The following NEK10 variants were observed in gnomAD, a reference collection of about 807,000 sequenced individuals.
NEK10 encodes serine/threonine-protein kinase Nek10.
In NEK10, 122 loss-of-function variants were observed where a neutral mutation model predicts 159.8. That is an observed-to-expected ratio of 0.76 (90% CI 0.66 to 0.89). The LOEUF is 0.89. Ranked by LOEUF, NEK10 falls within the 40% of genes least tolerant of loss-of-function variation. The pLI is 0.00. For missense variants in NEK10, 1,342 were observed against 1,323.1 expected (o/e 1.01, Z -0.22); for synonymous variants, 466 against 457.1 (o/e 1.02, Z -0.25).
intron 26 of NEK10, among the ~76,000 whole-genome samples, chr3:27,189,119 T>TA (rs1469618367): frequency 4.6e-5 from 7 of 152,294 alleles, no homozygotes; most frequent in African/African-American, 1.7e-4. Context: ...TCTCTTATTT[T>TA]AAGTTATAAG....
intron 5 of NEK10, among the ~76,000 whole-genome samples, chr3:27,343,005 C>T (rs933380760): frequency 5.3e-5 from 8 of 152,110 alleles, no homozygotes; most frequent in East Asian, 1.9e-4. Flanking sequence ...GACCCAATTA[C>T]ATAACCTTGG....
rs146415856 is a variant in NEK10, at chr3:27,159,219, T to A, written c.2869+3482A>T. Among the ~76,000 whole-genome samples, 13 of 152,320 alleles carry A rather than the reference T, an allele frequency of 8.5e-5. No individual in the cohort carries two copies. In the East Asian group the frequency reaches 2.5e-3, roughly 29 times the overall value. On this transcript the variant is annotated intron_variant, in intron 30 of 35. Coordinates refer to ENST00000691995, the MANE Select transcript of NEK10 (RefSeq NM_001394966.1). ...TCATCATTTCTCAAATATTAGGTAA[T>A]GTTCCTTTACAGCAAAGACAACAGA...
intron 23 of NEK10, among the ~76,000 whole-genome samples, chr3:27,225,374 A>G (rs552675726): frequency 1.3e-5 from 2 of 152,304 alleles, no homozygotes; most frequent in South Asian, 4.1e-4. Context: ...TGTATCCTTC[A>G]ATCCAATCAA....
intron 22 of NEK10, among the ~76,000 whole-genome samples, chr3:27,279,713 A>ATTGC (rs1424099715): frequency 3.3e-5 from 5 of 152,154 alleles, no homozygotes; most frequent in African/African-American, 1.2e-4. Context: ...TAACCACACA[A>ATTGC]TTGCTTTAGT....
At chr3:27,288,540 G>T (rs912560859) in intron 19 of NEK10, among the ~76,000 whole-genome samples, 1 of 152,082 alleles carries the variant, frequency 6.6e-6, no homozygotes, top group African/African-American at 2.4e-5. Flanking sequence ...CAGCTGTCCA[G>T]TCCTCGAATT....
chr3:27,222,242 C>T (rs982428727), intron 23 of NEK10, among the ~76,000 whole-genome samples: 7 of 152,062 alleles, frequency 4.6e-5, no homozygotes, highest in African/African-American at 1.2e-4. Flanking sequence ...GCATGGTGGC[C>T]GGTGCCTGTA....
At chr3:27,254,855 G>T (rs542544188) in intron 23 of NEK10, among the ~76,000 whole-genome samples, 1 of 151,254 alleles carries the variant, frequency 6.6e-6, no homozygotes, top group Admixed American at 6.6e-5. Context: ...CGCTAATACG[G>T]CAAAAAAGTT....
chr3:27,229,614 AT>A (rs1009688048), intron 23 of NEK10, among the ~76,000 whole-genome samples: 4 of 152,124 alleles, frequency 2.6e-5, no homozygotes, highest in Non-Finnish European at 5.9e-5. Context: ...ACATAAAGAA[AT>A]TTTTTTAATC....
At chr3:27,296,899 G>C (rs1484594361) in intron 14 of NEK10, among the ~76,000 whole-genome samples, 4 of 152,064 alleles carry the variant, frequency 2.6e-5, no homozygotes. Context: ...ATGCAATTCA[G>C]AGTATCCCTT....
At chr3:27,132,167 A>T (rs1034191885) in intron 31 of NEK10, among the ~76,000 whole-genome samples, 177 bp from the exon 32 acceptor site, 1 of 152,186 alleles carries the variant, frequency 6.6e-6, no homozygotes, top group Non-Finnish European at 1.5e-5. Context: ...TGCGATTCAG[A>T]AGGAATATAT....
chr3:27,327,119 A>G (rs958105460), intron 5 of NEK10, among the ~76,000 whole-genome samples: 2 of 152,118 alleles, frequency 1.3e-5, no homozygotes, highest in Admixed American at 6.5e-5. Flanking sequence ...CAGCTACACA[A>G]TAAGTAATAG....
At chr3:27,300,314 C>A (rs1285040654) in intron 13 of NEK10, among the ~76,000 whole-genome samples, 3 of 152,020 alleles carry the variant, frequency 2.0e-5, no homozygotes, top group African/African-American at 7.2e-5. Flanking sequence ...TTTCCCTGCA[C>A]AAGCCCTCTC....
chr3:27,235,639 A>G (rs1364149746), intron 23 of NEK10, among the ~76,000 whole-genome samples: 1 of 152,190 alleles, frequency 6.6e-6, no homozygotes, highest in Non-Finnish European at 1.5e-5. Flanking sequence ...GTGGAGAAAA[A>G]GAAATGCTTT....
chr3:27,190,720 G>A (rs1949031667), intron 26 of NEK10, among the ~76,000 whole-genome samples: 1 of 152,130 alleles, frequency 6.6e-6, no homozygotes, highest in Non-Finnish European at 1.5e-5. Flanking sequence ...AAATACCTAA[G>A]ATATATAGAA....
intron 26 of NEK10, among the ~76,000 whole-genome samples, chr3:27,176,458 T>A (rs570468154): frequency 6.6e-6 from 1 of 152,326 alleles, no homozygotes; most frequent in Non-Finnish European, 1.5e-5. Flanking sequence ...CAGAAATTTT[T>A]CCAATGCCTA....
At chr3:27,246,641 T>C (rs1955094479) in intron 23 of NEK10, among the ~76,000 whole-genome samples, 1 of 152,150 alleles carries the variant, frequency 6.6e-6, no homozygotes, top group Admixed American at 6.5e-5. Context: ...TATTAGCTCT[T>C]ATTCACTAAT....
intron 6 of NEK10, 138 bp downstream of exon 6, chr3:27,322,039 A>G: frequency 1.8e-6 from 1 of 565,890 alleles, no homozygotes; most frequent in Non-Finnish European, 3.2e-6. Flanking sequence ...TAGATGAGAC[A>G]TTCCCCATAT....
rs1949168173 is a variant in NEK10, at chr3:27,192,093, C to T, written c.2441G>A (p.Arg814Lys). 6.2e-7 allele frequency: 1 copy of T among 1,614,054 alleles called. No individual in the cohort carries two copies. The highest frequency in any genetic ancestry group is 1.7e-5 in the Admixed American group (1 of 60,002). Reference sequence around the variant, plus strand: ...GTTCCGGTTGGCTTCCATAAAATACCTTTGTGTGCGTCTTCGTTCCCGTTC... The same window carrying T: ...GTTCCGGTTGGCTTCCATAAAATACTTTTGTGTGCGTCTTCGTTCCCGTTC... ...KLERERRRTQ[R>K]YFMEANRNTV... Residue 814 changes from arginine to lysine, a missense_variant, in exon 26 of 36, where the codon AGG (arginine) becomes AAG (lysine). Arg to Lys is a conservative substitution (Grantham distance 26). Transcript: ENST00000691995.
chr3:27,255,499 G>T (rs950977408), intron 23 of NEK10, among the ~76,000 whole-genome samples: 1 of 85,962 alleles, frequency 1.2e-5, no homozygotes, highest in African/African-American at 1.3e-4. Context: ...CTATAGGCTA[G>T]ATTTAAAAAA....
Sources: allele counts gnomAD v4.1 joint callset (sites outside exome capture counted in the v4.1 genomes callset), GRCh38; gene constraint gnomAD v4.1.1; transcripts MANE v1.5; gene names NCBI Gene and HGNC (gene_info 2026-07-23, HGNC 2026-07-21).